GPR158: variants seen among roughly 807,000 people sequenced by gnomAD.
GPR158 encodes metabotropic glycine receptor.
Under a neutral mutation model 78.2 loss-of-function variants are expected in GPR158, and 30 were observed. The ratio of observed to expected loss-of-function variants is 0.38; its 90% CI spans 0.29 to 0.52. GPR158 has a LOEUF of 0.52. Among genes scored for constraint, GPR158 ranks in the 20% least tolerant of loss-of-function variants. The probability of loss-of-function intolerance (pLI) is 0.83; values close to 1 mark genes in which losing one functional copy is unlikely to be tolerated. For missense variants in GPR158, 1,463 were observed against 1,523.5 expected, an observed-to-expected ratio of 0.96 and a Z score of 0.66; for synonymous variants, 581 against 591.1, an observed-to-expected ratio of 0.98 and a Z score of 0.25.
chr10:25,487,322 C>T (rs1185762088), intron 5 of GPR158, among the ~76,000 whole-genome samples: 1 of 152,126 alleles, frequency 6.6e-6, no homozygotes, highest in Non-Finnish European at 1.5e-5. Context: ...GAGAAATTTG[C>T]ACTTCTATAC....
intron 2 of GPR158, among the ~76,000 whole-genome samples, chr10:25,350,320 G>A (rs1311814801): frequency 6.6e-6 from 1 of 151,910 alleles, no homozygotes; most frequent in Non-Finnish European, 1.5e-5. Flanking sequence ...AATTTTGTTG[G>A]CAGGGTTATG....
intron 5 of GPR158, among the ~76,000 whole-genome samples, chr10:25,540,945 A>ATATAT (rs1836570970): frequency 6.0e-5 from 5 of 82,922 alleles, no homozygotes; most frequent in African/African-American, 4.9e-4. Flanking sequence ...GTATAATAAA[A>ATATAT]ATATATATAT....
intron 2 of GPR158, among the ~76,000 whole-genome samples, chr10:25,304,965 T>C (rs1261130075): frequency 6.6e-6 from 1 of 152,246 alleles, no homozygotes; most frequent in Admixed American, 6.5e-5. Flanking sequence ...GGTGAGACAT[T>C]CTGCCTTTCT....
chr10:25,560,155 C>A (rs1409427057), intron 6 of GPR158, among the ~76,000 whole-genome samples: 1 of 152,174 alleles, frequency 6.6e-6, no homozygotes, highest in East Asian at 1.9e-4. Flanking sequence ...ACACAGTGAA[C>A]CTCCTAAATT....
At chr10:25,211,936 T>A (rs865821408) in intron 1 of GPR158, among the ~76,000 whole-genome samples, 2 of 152,302 alleles carry the variant, frequency 1.3e-5, no homozygotes, top group African/African-American at 4.8e-5. Context: ...CTGCCACAAT[T>A]GGGTAGTATG....
chr10:25,350,495 C>T (rs1010484603), intron 2 of GPR158, among the ~76,000 whole-genome samples: 2 of 151,946 alleles, frequency 1.3e-5, no homozygotes, highest in Non-Finnish European at 2.9e-5. Context: ...TATCGAAGGT[C>T]ATATTTGTGG....
rs1419206767 is a variant in GPR158 at position 25,176,612 on chromosome 10, C to G, written c.902+290C>G. 1.3e-5 allele frequency among the ~76,000 whole-genome samples: 2 copies of G among 152,240 alleles called. No individual in the cohort carries two copies. Among genetic ancestry groups the G allele is most frequent in the Admixed American group, 6.5e-5 (1 of 15,288 alleles). ...GCCCTTGGCAGGACGGAGACACCCCCGCTGCTCTGTGCTTCCCTCCAATTG... is the reference window on the plus strand; with the variant it reads ...GCCCTTGGCAGGACGGAGACACCCCGGCTGCTCTGTGCTTCCCTCCAATTG... On this transcript the variant is annotated intron_variant, in intron 1 of 10. Coordinates refer to ENST00000376351, the MANE Select transcript of GPR158 (RefSeq NM_020752.3). The surrounding 1 kb of genome is among the most constrained non-coding windows in gnomAD (Gnocchi z 6.3).
chr10:25,237,037 CAATT>C (rs1211133386), intron 2 of GPR158, among the ~76,000 whole-genome samples: 1 of 152,182 alleles, frequency 6.6e-6, no homozygotes, highest in Non-Finnish European at 1.5e-5. Flanking sequence ...GATTACCTAT[CAATT>C]AATAATCCGG....
intron 2 of GPR158, among the ~76,000 whole-genome samples, chr10:25,362,319 T>A (rs1855652328): frequency 6.6e-6 from 1 of 151,980 alleles, no homozygotes; most frequent in African/African-American, 2.4e-5. Flanking sequence ...CTTACATGTC[T>A]GTCTTTATGT....
intron 7 of GPR158, among the ~76,000 whole-genome samples, chr10:25,583,480 A>G (rs1261833307): frequency 6.6e-6 from 1 of 152,198 alleles, no homozygotes; most frequent in African/African-American, 2.4e-5. Context: ...GGCTTATAAT[A>G]TAAATACTTA....
intron 4 of GPR158, among the ~76,000 whole-genome samples, chr10:25,416,371 C>T (rs1467177133): frequency 5.9e-5 from 9 of 152,110 alleles, no homozygotes; most frequent in Non-Finnish European, 1.0e-4. Flanking sequence ...ATTTACTGTG[C>T]ATTTATTTAT....
At chr10:25,493,926 T>C (rs73608301) in intron 5 of GPR158, among the ~76,000 whole-genome samples, 1 of 152,340 alleles carries the variant, frequency 6.6e-6, no homozygotes, top group African/African-American at 2.4e-5. Context: ...CTTTTCCTTA[T>C]GGCTGCTTAG....
Position 25,330,348 on chromosome 10 carries a change from G to A in GPR158, c.1009-65563G>A, listed in dbSNP as rs570581500. Among the ~76,000 whole-genome samples the A allele has an allele frequency of 3.3e-3, 504 of 152,206 alleles. 3 individuals are homozygous for A. The highest frequency in any genetic ancestry group is 0.011 in the African/African-American group (465 of 41,524). On this transcript the variant is annotated intron_variant, in intron 2 of 10. Transcript: ENST00000376351. ...ACTAGAATTTTTTATGGTTGCTGCAGGAGCACAGAAGCAAAGTCACATATA... is the reference window on the plus strand; with the variant it reads ...ACTAGAATTTTTTATGGTTGCTGCAAGAGCACAGAAGCAAAGTCACATATA...
intron 2 of GPR158, among the ~76,000 whole-genome samples, chr10:25,300,142 G>C (rs545616): frequency 0.78 from 118,822 of 152,170 alleles, 47,263 homozygotes; most frequent in African/African-American, 0.84. Context: ...TTACACTTCT[G>C]TAGATTACAA....
chr10:25,595,614 G>A (rs1261177657), intron 9 of GPR158, among the ~76,000 whole-genome samples: 1 of 152,166 alleles, frequency 6.6e-6, no homozygotes, highest in Non-Finnish European at 1.5e-5. Flanking sequence ...AATAAGAAGT[G>A]CAAAAGCCAG....
At chr10:25,450,452 A>C (rs958024057) in intron 4 of GPR158, among the ~76,000 whole-genome samples, 1 of 142,520 alleles carries the variant, frequency 7.0e-6, no homozygotes, top group African/African-American at 2.5e-5. Context: ...TTTTTCTTTT[A>C]CATGATAAAT....
intron 2 of GPR158, among the ~76,000 whole-genome samples, chr10:25,360,928 C>T (rs1008531121): frequency 6.6e-6 from 1 of 151,934 alleles, no homozygotes; most frequent in Non-Finnish European, 1.5e-5. Context: ...TGTGTCCTCT[C>T]TTATTTCGTT....
At position 25,432,072 on chromosome 10, in the gene GPR158, G is replaced by A. The variant is rs369049110; in HGVS notation, c.1335+19599G>A. Among the ~76,000 whole-genome samples, 12 of 152,090 alleles carry A rather than the reference G, an allele frequency of 7.9e-5. No homozygotes were observed. In the South Asian group the frequency reaches 2.3e-3, roughly 29 times the overall value. On this transcript the variant is annotated intron_variant, in intron 4 of 10. Transcript: ENST00000376351. ...AATGTAACATTTAAACAATTAAAAG[G>A]TAAATGAAAAATACTAGTATATCTT...
At chr10:25,544,482 A>G (rs1836633298) in intron 5 of GPR158, among the ~76,000 whole-genome samples, 1 of 152,128 alleles carries the variant, frequency 6.6e-6, no homozygotes, top group Non-Finnish European at 1.5e-5. Context: ...TATAGGTAAT[A>G]TGTCTAGCAT....
Sources: allele counts gnomAD v4.1 joint callset (sites outside exome capture counted in the v4.1 genomes callset), GRCh38; gene constraint gnomAD v4.1.1; non-coding constraint Gnocchi (gnomAD v3.1); transcripts MANE v1.5; gene names NCBI Gene and HGNC (gene_info 2026-07-23, HGNC 2026-07-21).